The following ANKS1B variants were observed in gnomAD, a reference collection of about 807,000 sequenced individuals.
The protein encoded by ANKS1B is ankyrin repeat and sterile alpha motif domain containing 1B.
A neutral mutation model predicts 148.3 loss-of-function variants in ANKS1B; 36 were observed. That is an observed-to-expected ratio of 0.24 (90% CI 0.19 to 0.32). The LOEUF (loss-of-function observed/expected upper bound fraction) is 0.32. Ranked by LOEUF, ANKS1B falls within the 10% of genes least tolerant of loss-of-function variation. ANKS1B has a pLI of 1.00. For synonymous variants in ANKS1B, 542 were observed against 560.8 expected, an observed-to-expected ratio of 0.97 and a Z score of 0.47; for missense variants, 1,157 against 1,542.6, an observed-to-expected ratio of 0.75 and a Z score of 4.19.
In ANKS1B at chr12:99,467,632, T is replaced by G. The variant is rs1262824744; in HGVS notation, c.1439-23823A>C. Among the ~76,000 whole-genome samples the G allele has an allele frequency of 1.5e-4, 23 of 152,234 alleles. No individual in the cohort carries two copies. The East Asian group carries it at 2.7e-3, about 18-fold the overall frequency. The stretch of plus-strand genomic sequence containing the variant: ...CAATGTACAAAAATCACAAGCATTC[T>G]TATACACCAATAACAGACAAACAGA... On this transcript the variant is annotated intron_variant, in intron 10 of 26. Coordinates refer to ENST00000683438, the MANE Select transcript of ANKS1B (RefSeq NM_001352186.2).
intron 9 of ANKS1B, among the ~76,000 whole-genome samples, chr12:99,636,725 T>C (rs1325021172): frequency 6.6e-6 from 1 of 152,178 alleles, no homozygotes; most frequent in Non-Finnish European, 1.5e-5. Flanking sequence ...ACTGGGAACA[T>C]GTGCAATTTT....
At chr12:98,748,611 A>G (rs573875665) in intron 26 of ANKS1B, among the ~76,000 whole-genome samples, 63 of 152,214 alleles carry the variant, frequency 4.1e-4, no homozygotes, top group African/African-American at 1.5e-3. Flanking sequence ...TGTGGGGAGG[A>G]CCTCACGTGT....
rs148155692 is a variant in ANKS1B at position 98,964,950 on chromosome 12, G to A, written c.2778+88207C>T. On this transcript the variant is annotated intron_variant, in intron 17 of 26. Transcript: ENST00000683438. ...TAACTATAGTCAACAATAATTTATT[G>A]TACATTTAAAAATAATCATTTGTAA... is the stretch of plus-strand genomic sequence containing the variant. Among the ~76,000 whole-genome samples the A allele has an allele frequency of 2.6e-3, 388 of 152,126 alleles. 10 individuals are homozygous for A. In the East Asian group the frequency reaches 0.044, roughly 17 times the overall value.
chr12:99,398,889 G>C lies in ANKS1B; in HGVS notation c.1756+742C>G, dbSNP rs149623002. On this transcript the variant is annotated intron_variant, in intron 12 of 26. Transcript: ENST00000683438. ...ACATAATGAAGACCATCCAGCCTAT[G>C]AGTATGCCACAAATGCAATTCTTGA... is the stretch of plus-strand genomic sequence containing the variant. Among the ~76,000 whole-genome samples the C allele has an allele frequency of 5.1e-3, 781 of 152,176 alleles. 2 individuals are homozygous for C. Among genetic ancestry groups the C allele is most frequent in the South Asian group, 0.023 (111 of 4,822 alleles).
intron 1 of ANKS1B, among the ~76,000 whole-genome samples, chr12:99,857,374 G>C (rs1335909348): frequency 6.6e-6 from 1 of 152,102 alleles, no homozygotes; most frequent in Non-Finnish European, 1.5e-5. Context: ...AAACACTGCT[G>C]AAAGAAATCA....
intron 14 of ANKS1B, among the ~76,000 whole-genome samples, chr12:99,213,992 C>A (rs1025588591): frequency 6.6e-6 from 1 of 152,106 alleles, no homozygotes; most frequent in African/African-American, 2.4e-5. Context: ...AAAACTTGGG[C>A]CTCAATGACC....
chr12:99,261,290 CTT>C (rs2075899070), intron 12 of ANKS1B, among the ~76,000 whole-genome samples: 1 of 152,098 alleles, frequency 6.6e-6, no homozygotes, highest in Non-Finnish European at 1.5e-5. Flanking sequence ...GGATGAAACA[CTT>C]TCATTAACTC....
intron 9 of ANKS1B, among the ~76,000 whole-genome samples, chr12:99,639,980 T>C (rs1032120302): frequency 6.6e-6 from 1 of 152,118 alleles, no homozygotes; most frequent in African/African-American, 2.4e-5. Context: ...AAGACCAGCC[T>C]GGCCAACACA....
intron 14 of ANKS1B, among the ~76,000 whole-genome samples, chr12:99,228,777 A>G (rs1342887000): frequency 1.3e-5 from 2 of 151,996 alleles, no homozygotes; most frequent in African/African-American, 2.4e-5. Context: ...TTCTGAAACC[A>G]CTGAAACACA....
At chr12:99,497,131 T>G (rs1567214916) in intron 10 of ANKS1B, among the ~76,000 whole-genome samples, 1 of 152,164 alleles carries the variant, frequency 6.6e-6, no homozygotes, top group Non-Finnish European at 1.5e-5. Flanking sequence ...TTAAGTCTCT[T>G]CTATAAAATG....
At chr12:99,502,149 C>T (rs1363238663) in intron 10 of ANKS1B, among the ~76,000 whole-genome samples, 1 of 152,092 alleles carries the variant, frequency 6.6e-6, no homozygotes, top group Non-Finnish European at 1.5e-5. Flanking sequence ...CTCTATCACA[C>T]CTGATATTCC....
intron 1 of ANKS1B, among the ~76,000 whole-genome samples, chr12:99,843,373 T>C: frequency 6.6e-6 from 1 of 152,016 alleles, no homozygotes. Flanking sequence ...AAGCCCAGCA[T>C]CCATTAGCTA....
At chr12:99,378,075 G>C (rs1339239590) in intron 12 of ANKS1B, among the ~76,000 whole-genome samples, 2 of 152,126 alleles carry the variant, frequency 1.3e-5, no homozygotes, top group Non-Finnish European at 2.9e-5. Context: ...CATTTGTGAA[G>C]ACTTCAAAAA....
At chr12:99,900,081 T>A (rs2093539496) in intron 1 of ANKS1B, among the ~76,000 whole-genome samples, 1 of 151,892 alleles carries the variant, frequency 6.6e-6, no homozygotes, top group Non-Finnish European at 1.5e-5. Context: ...GTACTTTTAG[T>A]AGAGATGGGG....
chr12:99,184,021 C>A (rs944690022), intron 14 of ANKS1B, among the ~76,000 whole-genome samples: 1 of 152,132 alleles, frequency 6.6e-6, no homozygotes, highest in Non-Finnish European at 1.5e-5. Context: ...AAGACATAGT[C>A]TTGAAGTAAA....
intron 1 of ANKS1B, among the ~76,000 whole-genome samples, chr12:99,943,575 G>A (rs1330719767): frequency 6.6e-6 from 1 of 152,130 alleles, no homozygotes; most frequent in Non-Finnish European, 1.5e-5. Context: ...CATGGCAGCA[G>A]GCAAGAGAAA....
At chr12:99,121,318 GGTAT>G (rs1226006797) in intron 15 of ANKS1B, among the ~76,000 whole-genome samples, 20 of 105,978 alleles carry the variant, frequency 1.9e-4, no homozygotes, top group African/African-American at 4.1e-4. Flanking sequence ...TGTGTATGTA[GGTAT>G]GTGTGTGTGT....
At chr12:98,848,237 C>T (rs2099494113) in intron 17 of ANKS1B, among the ~76,000 whole-genome samples, 1 of 152,172 alleles carries the variant, frequency 6.6e-6, no homozygotes, top group African/African-American at 2.4e-5. Flanking sequence ...GTCATTCACA[C>T]ACAGTGAGGA....
rs59114270 is a variant in ANKS1B, at chr12:99,202,289, G to A, written c.2419+42053C>T. Among the ~76,000 whole-genome samples, 1,270 of 152,262 alleles carry A rather than the reference G, an allele frequency of 8.3e-3. 26 individuals carry two copies. Among genetic ancestry groups the A allele is most frequent in the East Asian group, 0.082 (424 of 5,168 alleles). On this transcript the variant is annotated intron_variant, in intron 14 of 26. Coordinates refer to ENST00000683438, the MANE Select transcript of ANKS1B (RefSeq NM_001352186.2). Reference sequence around the variant, plus strand: ...ATAATTCTTAGAATCAGTTTAGATGGTTGCCCGCAGCCCCCTTCTACTCAT... The same window carrying A: ...ATAATTCTTAGAATCAGTTTAGATGATTGCCCGCAGCCCCCTTCTACTCAT...
Sources: allele counts gnomAD v4.1 joint callset (sites outside exome capture counted in the v4.1 genomes callset), GRCh38; gene constraint gnomAD v4.1.1; transcripts MANE v1.5; gene names NCBI Gene and HGNC (gene_info 2026-07-23, HGNC 2026-07-21).